NCAM1: variants seen among roughly 807,000 people sequenced by gnomAD.
NCAM1 encodes antigen recognized by monoclonal antibody 5.1H11.
In NCAM1, 14 loss-of-function variants were observed where a neutral mutation model predicts 109.8. The ratio of observed to expected loss-of-function variants is 0.13; its 90% CI spans 0.08 to 0.20. The LOEUF is 0.20. Among genes scored for constraint, NCAM1 ranks in the 10% least tolerant of loss-of-function variants. The probability of loss-of-function intolerance (pLI) is 1.00; values close to 1 mark genes in which losing one functional copy is unlikely to be tolerated. For synonymous variants in NCAM1, 418 were observed against 442.9 expected (o/e 0.94, Z 0.70); for missense variants, 774 against 1,109.9 (o/e 0.70, Z 4.30).
chr11:113,018,511 G>A (rs1952278472), intron 1 of NCAM1, among the ~76,000 whole-genome samples: 2 of 152,066 alleles, frequency 1.3e-5, no homozygotes, highest in South Asian at 4.2e-4. Context: ...TTCTGCTTTT[G>A]ATGATTCTTA....
At chr11:113,152,315 T>C (rs967985952) in intron 1 of NCAM1, among the ~76,000 whole-genome samples, 1 of 152,386 alleles carries the variant, frequency 6.6e-6, no homozygotes, top group East Asian at 1.9e-4. Flanking sequence ...TCCACCATAC[T>C]GCATCTGTGC....
At chr11:113,235,866 G>T (rs1945153226) in intron 14 of NCAM1, among the ~76,000 whole-genome samples, 1 of 152,120 alleles carries the variant, frequency 6.6e-6, no homozygotes. Flanking sequence ...CCCACCAGCA[G>T]CCAGGCTGTG....
At chr11:113,119,604 GT>G (rs1555095612) in intron 1 of NCAM1, among the ~76,000 whole-genome samples, 3 of 152,150 alleles carry the variant, frequency 2.0e-5, no homozygotes, top group African/African-American at 7.2e-5. Flanking sequence ...TCCAACCTTG[GT>G]GGAGGAAGTG....
At chr11:112,980,399 C>T (rs1176231468) in intron 1 of NCAM1, among the ~76,000 whole-genome samples, 1 of 151,494 alleles carries the variant, frequency 6.6e-6, no homozygotes, top group Non-Finnish European at 1.5e-5. Context: ...TTATTAATAA[C>T]AGTCAAAAAA....
chr11:113,098,371 A>G (rs1267282663), intron 1 of NCAM1, among the ~76,000 whole-genome samples: 4 of 152,220 alleles, frequency 2.6e-5, no homozygotes, highest in Non-Finnish European at 5.9e-5. Flanking sequence ...GTATGATTGA[A>G]TCATCTCTAG....
At chr11:113,179,966 T>C (rs17510855) in intron 1 of NCAM1, among the ~76,000 whole-genome samples, 3,184 of 152,292 alleles carry the variant, frequency 0.021, 49 homozygotes, top group Non-Finnish European at 0.03. Flanking sequence ...ATTTTGTTAA[T>C]GTAGAAACTG....
At chr11:113,264,726 A>T (rs1946098752) in intron 17 of NCAM1, 1 of 985,214 alleles carries the variant, frequency 1.0e-6, no homozygotes, top group African/African-American at 1.7e-5. Flanking sequence ...AAGTGTGGAG[A>T]GGACTGACGT....
In NCAM1 at chr11:113,098,264, G is replaced by GT. The variant is rs575408415; in HGVS notation, c.53-104115_53-104114insT. On this transcript the variant is annotated intron_variant, in intron 1 of 19. Transcript: ENST00000316851. ...TCGGTATAGAGGAGATTGATTCTAG[G>GT]ATTACGCCCCTTATCAGGATACCAG... Among the ~76,000 whole-genome samples, 107 of 152,218 alleles carry GT rather than the reference G, an allele frequency of 7.0e-4. 2 individuals carry two copies. The highest frequency in any genetic ancestry group is 2.5e-3 in the African/African-American group (102 of 41,538).
intron 1 of NCAM1, among the ~76,000 whole-genome samples, chr11:113,052,775 T>A (rs1953553158): frequency 6.6e-6 from 1 of 152,194 alleles, no homozygotes; most frequent in South Asian, 2.1e-4. Flanking sequence ...GGTGGTTTGC[T>A]GCACCTATCA....
At chr11:113,019,221 T>A (rs551510584) in intron 1 of NCAM1, among the ~76,000 whole-genome samples, 96 of 152,304 alleles carry the variant, frequency 6.3e-4, no homozygotes, top group Non-Finnish European at 1.1e-3. Flanking sequence ...GTTGTGTTGT[T>A]AATCACACAG....
rs1555117411 is a variant in NCAM1, at chr11:113,232,295, C to G, written c.1366C>G (p.Pro456Ala). ...ISWFRDGQLL[P>A]SSNYSNIKIY... ...ATGGTTTCGGGATGGCCAGCTGCTG[C>G]CAAGCTCCAATTACAGCAATATCAA... The change falls in exon 11 of 20, where the codon CCA (proline) becomes GCA (alanine). Residue 456 changes from proline to alanine, a missense_variant. Coordinates refer to ENST00000316851, the MANE Select transcript of NCAM1 (RefSeq NM_181351.5). 1 of 1,613,752 alleles carries G rather than the reference C, an allele frequency of 6.2e-7. No homozygotes were observed. Among genetic ancestry groups the G allele is most frequent in the Non-Finnish European group, 8.5e-7 (1 of 1,179,822 alleles).
intron 1 of NCAM1, among the ~76,000 whole-genome samples, chr11:113,056,876 G>A (rs933725518): frequency 6.6e-6 from 1 of 152,004 alleles, no homozygotes; most frequent in Non-Finnish European, 1.5e-5. Context: ...GTTGCACAGC[G>A]ATAGATAACT....
At chr11:112,973,400 T>C (rs930959627) in intron 1 of NCAM1, among the ~76,000 whole-genome samples, 5 of 152,166 alleles carry the variant, frequency 3.3e-5, no homozygotes, top group Non-Finnish European at 5.9e-5. Context: ...CATAAGAAGA[T>C]GGAAATCCAA....
chr11:113,215,970 C>T (rs1034345437), intron 8 of NCAM1, among the ~76,000 whole-genome samples: 6 of 152,280 alleles, frequency 3.9e-5, no homozygotes, highest in Admixed American at 3.3e-4. Flanking sequence ...CAGTGTATAT[C>T]TTTGACCTAC....
chr11:113,209,542 C>A (rs2136966978), intron 7 of NCAM1, among the ~76,000 whole-genome samples: 1 of 152,222 alleles, frequency 6.6e-6, no homozygotes, highest in Admixed American at 6.5e-5. Context: ...TATGGATCAC[C>A]ATTGTTGCTG....
Position 113,082,239 on chromosome 11 carries a change from A to C in NCAM1, c.53-120140A>C, listed in dbSNP as rs562521049. On this transcript the variant is annotated intron_variant, in intron 1 of 19. Transcript: ENST00000316851. ...AGTTGTTGGAAGCGAAAACAGACCAAGAACCACACAGATTGTTCCCGCATA... is the reference window on the plus strand; with the variant it reads ...AGTTGTTGGAAGCGAAAACAGACCACGAACCACACAGATTGTTCCCGCATA... 1.4e-4 allele frequency among the ~76,000 whole-genome samples: 22 copies of C among 152,346 alleles called. No individual in the cohort carries two copies. The South Asian group carries it at 4.1e-3, about 29-fold the overall frequency.
chr11:113,277,454 G>A lies in NCAM1; in HGVS notation c.*2067G>A, dbSNP rs111287313. The A allele has an allele frequency of 0.017, 6,615 of 399,028 alleles. 117 individuals carry two copies. The highest frequency in any genetic ancestry group is 0.055 in the African/African-American group (2,700 of 48,716). The allele number at this position is 399,028 out of a possible 1,614,324, so 24.7% of individuals were successfully genotyped here. ...CAAATGCACAGGCCCTCAGAATAGA[G>A]GAACATGAAGAGAGATCTTAGAGCA... On this transcript the variant is annotated 3_prime_UTR_variant, in exon 20 of 20. Coordinates refer to ENST00000316851, the MANE Select transcript of NCAM1 (RefSeq NM_181351.5).
At chr11:113,207,140 G>C (rs1944261163) in intron 5 of NCAM1, 121 bp from the exon 6 acceptor site, 1 of 681,548 alleles carries the variant, frequency 1.5e-6, no homozygotes, top group Admixed American at 2.6e-5. Flanking sequence ...TAACTCTGTA[G>C]CTGCACACGA....
chr11:112,978,599 C>T lies in NCAM1; in HGVS notation c.52+16935C>T, dbSNP rs549510792. Among the ~76,000 whole-genome samples, 20 of 151,958 alleles carry T rather than the reference C, an allele frequency of 1.3e-4. No homozygotes were observed. The South Asian group carries it at 3.9e-3, about 30-fold the overall frequency. Reference sequence around the variant, plus strand: ...TCTTCATGAAAGCTTTTCCTGATCTCCTAGTTCTAGCTGGCAACAGCCACA... The same window carrying T: ...TCTTCATGAAAGCTTTTCCTGATCTTCTAGTTCTAGCTGGCAACAGCCACA... On this transcript the variant is annotated intron_variant, in intron 1 of 19. Transcript: ENST00000316851.
Sources: allele counts gnomAD v4.1 joint callset (sites outside exome capture counted in the v4.1 genomes callset), GRCh38; gene constraint gnomAD v4.1.1; transcripts MANE v1.5; gene names NCBI Gene and HGNC (gene_info 2026-07-23, HGNC 2026-07-21).